The following HPSE2 variants were observed in gnomAD, a reference collection of about 807,000 sequenced individuals.
HPSE2 encodes heparanase 2 (inactive).
Under a neutral mutation model 60.5 loss-of-function variants are expected in HPSE2, and 38 were observed. The ratio of observed to expected loss-of-function variants is 0.63; its 90% CI spans 0.48 to 0.82. HPSE2 has a LOEUF of 0.82. Ranked by LOEUF, HPSE2 falls within the 40% of genes least tolerant of loss-of-function variation. The probability of loss-of-function intolerance (pLI) is 0.00; values close to 1 mark genes in which losing one functional copy is unlikely to be tolerated. For synonymous variants in HPSE2, 295 were observed against 293.2 expected (o/e 1.01, Z -0.06); for missense variants, 713 against 740.4 (o/e 0.96, Z 0.43).
chr10:98,650,166 C>T (rs1411766745), intron 6 of HPSE2, among the ~76,000 whole-genome samples: 1 of 152,150 alleles, frequency 6.6e-6, no homozygotes, highest in Non-Finnish European at 1.5e-5. Flanking sequence ...AATTAAGAAG[C>T]CATGTCTTCT....
chr10:98,938,403 T>C lies in HPSE2; in HGVS notation c.611-194347A>G, dbSNP rs535539558. Among the ~76,000 whole-genome samples the C allele has an allele frequency of 1.2e-4, 18 of 144,514 alleles. 5 individuals carry two copies. Among genetic ancestry groups the C allele is most frequent in the African/African-American group, 5.0e-4 (18 of 35,810 alleles). The allele number at this position is 144,514 out of a possible 152,430, so 94.8% of individuals were successfully genotyped here. A position where few individuals can be genotyped will look rare whatever the true frequency, so the allele number is the denominator to read the frequency against. Reference sequence around the variant, plus strand: ...ACAGAGAAGTGCTTAAAGTAGCTGATGGAGCTGAAAGCCAAGGCTCGAGAA... The same window carrying C: ...ACAGAGAAGTGCTTAAAGTAGCTGACGGAGCTGAAAGCCAAGGCTCGAGAA... On this transcript the variant is annotated intron_variant, in intron 3 of 11. Coordinates refer to ENST00000370552, the MANE Select transcript of HPSE2 (RefSeq NM_021828.5).
intron 3 of HPSE2, among the ~76,000 whole-genome samples, chr10:99,094,745 C>T (rs1228596051): frequency 6.6e-6 from 1 of 150,424 alleles, no homozygotes; most frequent in African/African-American, 2.4e-5. Flanking sequence ...TTAGTAGAGG[C>T]AGGGTTTCAC....
chr10:99,037,073 C>T (rs1469315993), intron 3 of HPSE2, among the ~76,000 whole-genome samples: 2 of 152,166 alleles, frequency 1.3e-5, no homozygotes, highest in South Asian at 2.1e-4. Context: ...GTAAACTTCC[C>T]AAAAATCCAT....
At chr10:99,138,854 C>G (rs1216895436) in intron 3 of HPSE2, among the ~76,000 whole-genome samples, 2 of 152,146 alleles carry the variant, frequency 1.3e-5, no homozygotes, top group African/African-American at 2.4e-5. Context: ...AACAAAACTG[C>G]ATGTTCTGCA....
chr10:99,038,981 T>G (rs1957673423), intron 3 of HPSE2, among the ~76,000 whole-genome samples: 1 of 152,186 alleles, frequency 6.6e-6, no homozygotes, highest in Non-Finnish European at 1.5e-5. Context: ...AGGCTGGATC[T>G]GGCCAGCAGA....
At chr10:98,704,448 G>C (rs1197096262) in intron 5 of HPSE2, among the ~76,000 whole-genome samples, 1 of 151,122 alleles carries the variant, frequency 6.6e-6, no homozygotes, top group African/African-American at 2.4e-5. Context: ...AGCCCAGATA[G>C]CCAAGACAAT....
At chr10:98,597,881 G>A (rs933757686) in intron 9 of HPSE2, among the ~76,000 whole-genome samples, 5 of 141,054 alleles carry the variant, frequency 3.5e-5, no homozygotes, top group African/African-American at 1.3e-4. Flanking sequence ...TGAGGTGGGA[G>A]AATTGCTTCA....
the HPSE2 span, among the ~76,000 whole-genome samples, chr10:99,297,226 C>A: frequency 1.3e-5 from 2 of 152,238 alleles, no homozygotes; most frequent in South Asian, 4.1e-4. Flanking sequence ...ATGTGACACC[C>A]GCCCCTCCTG....
chr10:98,673,978 A>C (rs1372283810), intron 6 of HPSE2, among the ~76,000 whole-genome samples: 1 of 152,200 alleles, frequency 6.6e-6, no homozygotes, highest in Admixed American at 6.5e-5. Context: ...TCTTATTAAA[A>C]TACAGATTTC....
chr10:99,275,538 T>C, the HPSE2 span, among the ~76,000 whole-genome samples: 1 of 150,068 alleles, frequency 6.7e-6, no homozygotes, highest in African/African-American at 2.5e-5. Flanking sequence ...TCACCCTTCT[T>C]AAGTATTACC....
chr10:98,575,881 C>CA (rs1180334027), intron 9 of HPSE2, among the ~76,000 whole-genome samples: 5 of 152,136 alleles, frequency 3.3e-5, no homozygotes, highest in African/African-American at 4.8e-5. Context: ...GAGTTAAATT[C>CA]ACCTGATAAA....
chr10:98,813,786 CTT>C (rs1951221854), intron 3 of HPSE2, among the ~76,000 whole-genome samples: 2 of 152,162 alleles, frequency 1.3e-5, no homozygotes, highest in Non-Finnish European at 2.9e-5. Context: ...AAATTGCACT[CTT>C]TCTTTCAATA....
chr10:99,188,502 T>G (rs928116297), intron 2 of HPSE2, among the ~76,000 whole-genome samples: 2 of 152,182 alleles, frequency 1.3e-5, no homozygotes, highest in Admixed American at 1.3e-4. Flanking sequence ...GCAAAGGTTA[T>G]CTCTTGTTTT....
intron 6 of HPSE2, among the ~76,000 whole-genome samples, chr10:98,676,417 C>T (rs1947643668): frequency 6.6e-6 from 1 of 152,136 alleles, no homozygotes; most frequent in Non-Finnish European, 1.5e-5. Flanking sequence ...TCTAGGTCTC[C>T]ATGAAATACT....
intron 3 of HPSE2, among the ~76,000 whole-genome samples, chr10:98,837,967 A>C (rs938276017): frequency 6.6e-6 from 1 of 151,996 alleles, no homozygotes; most frequent in Non-Finnish European, 1.5e-5. Context: ...AAGAGAAACC[A>C]GAGTAATAGA....
chr10:98,630,497 G>A (rs754972066), intron 7 of HPSE2, among the ~76,000 whole-genome samples: 13 of 151,706 alleles, frequency 8.6e-5, no homozygotes, highest in South Asian at 2.1e-4. Flanking sequence ...ACGCCCGGCC[G>A]TAATAGTTTT....
intron 9 of HPSE2, among the ~76,000 whole-genome samples, chr10:98,498,349 C>T (rs942707401): frequency 2.6e-5 from 4 of 152,050 alleles, no homozygotes; most frequent in African/African-American, 7.2e-5. Flanking sequence ...AGTACCAGCT[C>T]GGAACTGGGT....
At chr10:99,005,768 AGTTGG>A (rs1956877433) in intron 3 of HPSE2, among the ~76,000 whole-genome samples, 1 of 152,162 alleles carries the variant, frequency 6.6e-6, no homozygotes, top group South Asian at 2.1e-4. Context: ...CATGGAAAGA[AGTTGG>A]AATTCACTCT....
At chr10:99,154,549 T>G (rs1213645952) in intron 2 of HPSE2, among the ~76,000 whole-genome samples, 2 of 150,014 alleles carry the variant, frequency 1.3e-5, no homozygotes, top group South Asian at 2.2e-4. Flanking sequence ...GACAAGCAAA[T>G]GCTGAGAGAT....
Sources: gnomAD v4.1 joint callset for allele counts (sites outside exome capture counted in the v4.1 genomes callset) on GRCh38, gnomAD v4.1.1 for gene constraint, MANE v1.5 for transcripts, NCBI Gene and HGNC (gene_info 2026-07-23, HGNC 2026-07-21) for gene names.